The following RANBP2 variants were observed in gnomAD, a reference collection of about 807,000 sequenced individuals.
The protein encoded by RANBP2 is E3 SUMO-protein ligase RanBP2.
A neutral mutation model predicts 303.6 loss-of-function variants in RANBP2; 57 were observed. The observed-to-expected ratio is 0.19, with a 90% confidence interval of 0.15 to 0.23. The LOEUF is 0.23. Among genes scored for constraint, RANBP2 ranks in the 10% least tolerant of loss-of-function variants. The pLI, the probability that RANBP2 is intolerant of heterozygous loss-of-function variation, is 1.00. For missense variants in RANBP2, 3,138 were observed against 3,780.8 expected (o/e 0.83, Z 4.46); for synonymous variants, 1,167 against 1,301.5 (o/e 0.90, Z 2.23).
At chr2:109,063,845 A>AT in the RANBP2 span, among the ~76,000 whole-genome samples, 1,427 of 151,756 alleles carry the variant, frequency 9.4e-3, 15 homozygotes, top group African/African-American at 0.032. Flanking sequence ...CTGCAAAGAG[A>AT]TTTTTTTCCC....
chr2:109,565,856 G>A, the RANBP2 span: 2 of 1,613,700 alleles, frequency 1.2e-6, no homozygotes, highest in East Asian at 4.5e-5. Context: ...AACGGCAACT[G>A]TCCCTGAAAA....
chr2:109,466,232 G>A, the RANBP2 span, among the ~76,000 whole-genome samples: 1 of 151,962 alleles, frequency 6.6e-6, no homozygotes, highest in Admixed American at 6.6e-5. Flanking sequence ...ACAGGCGCGT[G>A]CCACCACACC....
At chr2:108,846,748 T>TGACATCAACATTGAGGAGATTGGGTGAA in the RANBP2 span, 1 of 1,608,076 alleles carries the variant, frequency 6.2e-7, no homozygotes, top group African/African-American at 1.3e-5. Flanking sequence ...CACTCGACTA[T>TGACATCAACATTGAGGAGATTGGGTGAA]GACATCAACA....
intron 17 of RANBP2, among the ~76,000 whole-genome samples, chr2:108,757,593 G>A (rs1184916492): frequency 6.6e-6 from 1 of 152,108 alleles, no homozygotes; most frequent in African/African-American, 2.4e-5. Flanking sequence ...TTGAGAATTA[G>A]TTGTATTTTG....
the RANBP2 span, among the ~76,000 whole-genome samples, chr2:109,476,043 CAG>C: frequency 1.2e-3 from 179 of 152,298 alleles, 1 homozygote; most frequent in African/African-American, 4.2e-3. Context: ...CGGCTGTGCC[CAG>C]AGTTAGCAGT....
chr2:109,325,792 C>T, the RANBP2 span, among the ~76,000 whole-genome samples: 377 of 152,300 alleles, frequency 2.5e-3, no homozygotes, highest in Non-Finnish European at 2.5e-3. Context: ...GCCTGCTGCA[C>T]CCTCCTTATT....
the RANBP2 span, among the ~76,000 whole-genome samples, chr2:108,949,576 T>C: frequency 6.6e-6 from 1 of 152,188 alleles, no homozygotes; most frequent in East Asian, 1.9e-4. Flanking sequence ...ATTAATTGCA[T>C]CATAAAATCT....
chr2:109,565,441 T>C, the RANBP2 span, among the ~76,000 whole-genome samples: 1 of 152,210 alleles, frequency 6.6e-6, no homozygotes, highest in East Asian at 1.9e-4. Flanking sequence ...TATAAGATGG[T>C]TGACTGTTCT....
chr2:108,907,555 G>T, the RANBP2 span, among the ~76,000 whole-genome samples: 1 of 151,956 alleles, frequency 6.6e-6, no homozygotes, highest in Non-Finnish European at 1.5e-5. Context: ...GGCTGAGACA[G>T]GAGAATTGCT....
At chr2:109,515,132 T>C in the RANBP2 span, among the ~76,000 whole-genome samples, 2 of 152,124 alleles carry the variant, frequency 1.3e-5, no homozygotes, top group African/African-American at 4.8e-5. Flanking sequence ...TGGGTCCAGG[T>C]CTGCACTCAG....
the RANBP2 span, among the ~76,000 whole-genome samples, chr2:109,590,422 TC>T: frequency 9.8e-5 from 14 of 142,426 alleles, no homozygotes; most frequent in East Asian, 2.8e-3. Flanking sequence ...ATGAGGTAAA[TC>T]CTTTTTTTTT....
At chr2:109,553,853 C>CAA in the RANBP2 span, among the ~76,000 whole-genome samples, 5 of 105,524 alleles carry the variant, frequency 4.7e-5, no homozygotes, top group East Asian at 2.7e-4. Context: ...GACTCTGTCT[C>CAA]AAAAAAAAAA....
chr2:109,544,186 T>G, the RANBP2 span: 9 of 1,597,842 alleles, frequency 5.6e-6, no homozygotes, highest in Non-Finnish European at 7.7e-6. Flanking sequence ...TATCAGTAAC[T>G]GTGGCTGTTC....
chr2:109,714,985 G>C, the RANBP2 span, among the ~76,000 whole-genome samples: 1 of 125,146 alleles, frequency 8.0e-6, no homozygotes, highest in Non-Finnish European at 1.7e-5. Flanking sequence ...GGGTGGGGGC[G>C]GGGCGTGGAG....
rs769231888 is a variant in RANBP2 at position 108,765,704 on chromosome 2, C to G, written c.5165C>G (p.Thr1722Ser). ...AAGAGCGGATTTGAGGGAATGTTCA[C>G]TAAGAAGGAAGGACAGTGGGATTGC... ...APKSGFEGMF[T>S]KKEGQWDCSV... is the part of the protein sequence containing the mutation. The change falls in exon 20 of 29, where the codon ACT becomes AGT. Residue 1722 changes from threonine (T) to serine (S), a missense_variant. By Grantham distance (58) the Thr-to-Ser change is moderately conservative. Around this residue, in one of 20 missense-constraint regions of RANBP2, gnomAD observed 51 missense variants for 112.1 expected, o/e 0.45. Coordinates refer to ENST00000283195, the MANE Select transcript of RANBP2 (RefSeq NM_006267.5). 2.5e-6 allele frequency: 4 copies of G among 1,612,946 alleles called. No homozygotes were observed. The African/African-American group carries it at 5.4e-5, about 22-fold the overall frequency.
chr2:109,011,580 TGAC>T, the RANBP2 span, among the ~76,000 whole-genome samples: 1 of 152,208 alleles, frequency 6.6e-6, no homozygotes, highest in Middle Eastern at 3.2e-3. Flanking sequence ...CAAATTTTAT[TGAC>T]GAGATACCCA....
chr2:108,906,712 G>A, the RANBP2 span, among the ~76,000 whole-genome samples: 777 of 152,296 alleles, frequency 5.1e-3, 7 homozygotes, highest in Middle Eastern at 0.02. Context: ...AGAGCCGTGC[G>A]GGGCTCCCAT....
chr2:109,233,969 T>G, the RANBP2 span, among the ~76,000 whole-genome samples: 1 of 152,238 alleles, frequency 6.6e-6, no homozygotes, highest in African/African-American at 2.4e-5. Flanking sequence ...GATATTTGAA[T>G]TGTTTCCAGT....
At chr2:109,381,389 C>G in the RANBP2 span, among the ~76,000 whole-genome samples, 6 of 152,198 alleles carry the variant, frequency 3.9e-5, no homozygotes, top group Non-Finnish European at 7.3e-5. Context: ...ACTTTTACAC[C>G]TAACTTTAGC....
Sources: gnomAD v4.1 joint callset for allele counts (sites outside exome capture counted in the v4.1 genomes callset) on GRCh38, gnomAD v4.1.1 for gene constraint, gnomAD v4.1.1 regional missense constraint, MANE v1.5 for transcripts, NCBI Gene and HGNC (gene_info 2026-07-23, HGNC 2026-07-21) for gene names.